NOL4: variants seen among roughly 807,000 people sequenced by gnomAD.
NOL4 encodes cancer/testis antigen 125.
Under a neutral mutation model 75.9 loss-of-function variants are expected in NOL4, and 17 were observed. The observed-to-expected ratio is 0.22, with a 90% confidence interval of 0.15 to 0.34. The LOEUF (loss-of-function observed/expected upper bound fraction) is 0.34. NOL4 is among the 10% of genes least tolerant of loss of function. NOL4 has a pLI of 1.00. For missense variants in NOL4, 614 were observed against 793.5 expected, an observed-to-expected ratio of 0.77 and a Z score of 2.72; for synonymous variants, 292 against 289.9, an observed-to-expected ratio of 1.01 and a Z score of -0.07.
intron 6 of NOL4, among the ~76,000 whole-genome samples, chr18:34,010,512 A>G (rs1038818323): frequency 9.9e-5 from 15 of 151,924 alleles, no homozygotes; most frequent in African/African-American, 3.4e-4. Context: ...AAATATATCT[A>G]TAACATACAA....
intron 1 of NOL4, among the ~76,000 whole-genome samples, chr18:34,130,713 ATATT>A (rs2080602056): frequency 6.6e-6 from 1 of 152,176 alleles, no homozygotes; most frequent in Admixed American, 6.6e-5. Flanking sequence ...ATGAAATGAC[ATATT>A]TAAAGGATGT....
At chr18:34,137,339 A>G (rs1161992540) in intron 1 of NOL4, among the ~76,000 whole-genome samples, 1 of 152,194 alleles carries the variant, frequency 6.6e-6, no homozygotes, top group Non-Finnish European at 1.5e-5. Context: ...ACCACCAGAA[A>G]GTGAAATGAC....
At chr18:34,062,903 G>T (rs781676772) in intron 5 of NOL4, among the ~76,000 whole-genome samples, 17 of 152,158 alleles carry the variant, frequency 1.1e-4, no homozygotes, top group Non-Finnish European at 2.4e-4. Flanking sequence ...CTAATATACA[G>T]AACTGGTTGG....
At chr18:34,037,377 C>A (rs2075956282) in intron 5 of NOL4, among the ~76,000 whole-genome samples, 1 of 150,282 alleles carries the variant, frequency 6.7e-6, no homozygotes, top group Non-Finnish European at 1.5e-5. Context: ...CAATCCCTAT[C>A]AAAATAACAA....
At chr18:33,889,995 C>G (rs1041297245) in intron 9 of NOL4, among the ~76,000 whole-genome samples, 1 of 152,136 alleles carries the variant, frequency 6.6e-6, no homozygotes. Context: ...GATGCCCTCT[C>G]TCACCACTCC....
chr18:33,929,588 G>A lies in NOL4; in HGVS notation c.1542+13477C>T, dbSNP rs533795819. Among the ~76,000 whole-genome samples, 58 of 152,208 alleles carry A rather than the reference G, an allele frequency of 3.8e-4. No homozygotes were observed. In the Middle Eastern group the frequency reaches 0.01, roughly 27 times the overall value. ...CAAACACCTGCTCAGTGGTGATATTGTCAGAATTAAGAATATGATACTATA... is the reference window on the plus strand; with the variant it reads ...CAAACACCTGCTCAGTGGTGATATTATCAGAATTAAGAATATGATACTATA... On this transcript the variant is annotated intron_variant, in intron 9 of 10. Transcript: ENST00000261592.
intron 1 of NOL4, among the ~76,000 whole-genome samples, chr18:34,167,339 C>G (rs2032501080): frequency 6.6e-6 from 1 of 152,044 alleles, no homozygotes; most frequent in South Asian, 2.1e-4. Context: ...ACACCTCCTA[C>G]ATATCCAGTT....
chr18:34,148,344 G>T (rs1469906578), intron 1 of NOL4, among the ~76,000 whole-genome samples: 1 of 151,976 alleles, frequency 6.6e-6, no homozygotes, highest in East Asian at 1.9e-4. Flanking sequence ...TTCTGCTGTG[G>T]GCATTTAGTG....
At chr18:33,973,481 G>A (rs2071237481) in intron 6 of NOL4, among the ~76,000 whole-genome samples, 1 of 152,146 alleles carries the variant, frequency 6.6e-6, no homozygotes, top group South Asian at 2.1e-4. Context: ...GTTTATAACG[G>A]TATATGGAAT....
At chr18:34,208,234 T>C (rs2036258423) in intron 1 of NOL4, among the ~76,000 whole-genome samples, 1 of 152,126 alleles carries the variant, frequency 6.6e-6, no homozygotes, top group African/African-American at 2.4e-5. Flanking sequence ...GGGAGTTATG[T>C]TGTATATTCC....
chr18:33,868,312 G>A (rs1376206069), intron 10 of NOL4, among the ~76,000 whole-genome samples: 2 of 151,642 alleles, frequency 1.3e-5, no homozygotes, highest in African/African-American at 4.8e-5. Flanking sequence ...GATTATAGGT[G>A]TGAGCCACTG....
Position 34,093,478 on chromosome 18 carries a change from A to G in NOL4, c.759T>C (p.His253=), listed in dbSNP as rs770101818. The G allele has an allele frequency of 1.1e-4, 181 of 1,583,976 alleles. 1 individual carries two copies. The highest frequency in any genetic ancestry group is 8.9e-4 in the Admixed American group (51 of 57,028). ...EERMQSPQNL[H]GQQDDDSAAE... is the part of the protein sequence containing the mutation. Reference sequence around the variant, plus strand: ...TGAAAGGCTTACCATCTTGCTGGCCATGAAGATTCTGGGGACTTTGCATTC... The same window carrying G: ...TGAAAGGCTTACCATCTTGCTGGCCGTGAAGATTCTGGGGACTTTGCATTC... The change falls in exon 5 of 11, where the codon CAT becomes CAC. Residue 253 remains histidine (H), a synonymous_variant. Coordinates refer to ENST00000261592, the MANE Select transcript of NOL4 (RefSeq NM_003787.5).
intron 1 of NOL4, among the ~76,000 whole-genome samples, chr18:34,145,824 AT>A (rs1484695382): frequency 1.3e-5 from 2 of 152,108 alleles, no homozygotes; most frequent in Non-Finnish European, 2.9e-5. Context: ...CCAGCAATTC[AT>A]TTGCAAAAGC....
In NOL4 at chr18:34,091,492, C is replaced by T. The variant is rs150422415; in HGVS notation, c.772+1973G>A. Among the ~76,000 whole-genome samples, 5 of 152,206 alleles carry T rather than the reference C, an allele frequency of 3.3e-5. No individual in the cohort carries two copies. The East Asian group carries it at 9.7e-4, about 29-fold the overall frequency. On this transcript the variant is annotated intron_variant, in intron 5 of 10. Transcript: ENST00000261592. ...GGAGGATTCAGCAATAATGCACTAT[C>T]GTGGGAGAACAAGCTCTTCCAGACA...
At chr18:34,062,344 T>A (rs868542375) in intron 5 of NOL4, among the ~76,000 whole-genome samples, 5 of 152,130 alleles carry the variant, frequency 3.3e-5, no homozygotes, top group Non-Finnish European at 5.9e-5. Context: ...AGATATTAGT[T>A]ATATACTTCA....
chr18:34,066,240 T>C (rs1199292708), intron 5 of NOL4, among the ~76,000 whole-genome samples: 1 of 152,014 alleles, frequency 6.6e-6, no homozygotes. Flanking sequence ...CAAAGTTATA[T>C]GGTAAAACAG....
At chr18:34,142,394 T>C (rs9304133) in intron 1 of NOL4, among the ~76,000 whole-genome samples, 76,478 of 151,930 alleles carry the variant, frequency 0.5, 19,341 homozygotes, top group Admixed American at 0.57. Flanking sequence ...ATGTTTATTG[T>C]GGCACTATTC....
chr18:34,093,101 T>A (rs564345337), intron 5 of NOL4, among the ~76,000 whole-genome samples: 6 of 152,318 alleles, frequency 3.9e-5, no homozygotes, highest in African/African-American at 1.4e-4. Context: ...CTTTTGATCA[T>A]ATTTAAATGC....
chr18:34,208,660 C>T (rs1224809698), intron 1 of NOL4, among the ~76,000 whole-genome samples: 1 of 151,826 alleles, frequency 6.6e-6, no homozygotes, highest in Non-Finnish European at 1.5e-5. Flanking sequence ...AGTTCTAGAC[C>T]AGCCTGGCTA....
Sources: gnomAD v4.1 joint callset for allele counts (sites outside exome capture counted in the v4.1 genomes callset) on GRCh38, gnomAD v4.1.1 for gene constraint, MANE v1.5 for transcripts, NCBI Gene and HGNC (gene_info 2026-07-23, HGNC 2026-07-21) for gene names.